The following CCDC18 variants were observed in gnomAD, a reference collection of about 807,000 sequenced individuals.
The protein encoded by CCDC18 is coiled-coil domain-containing protein 18.
CCDC18 carries 157 observed loss-of-function variants against 196.0 expected under a neutral mutation model. That is an observed-to-expected ratio of 0.80 (90% confidence interval 0.70 to 0.91). The LOEUF (loss-of-function observed/expected upper bound fraction) is 0.91. CCDC18 is among the 40% of genes least tolerant of loss of function. CCDC18 has a pLI of 0.00. For missense variants in CCDC18, 1,465 were observed against 1,611.6 expected, an observed-to-expected ratio of 0.91 and a Z score of 1.56; for synonymous variants, 482 against 529.2, an observed-to-expected ratio of 0.91 and a Z score of 1.22.
At chr1:93,248,612 C>T (rs936772411) in intron 23 of CCDC18, among the ~76,000 whole-genome samples, 4 of 152,032 alleles carry the variant, frequency 2.6e-5, no homozygotes, top group Admixed American at 2.6e-4. Flanking sequence ...GGATATTGGC[C>T]TGTTGTTTTC....
intron 28 of CCDC18, among the ~76,000 whole-genome samples, chr1:93,277,326 C>T (rs1179296950): frequency 2.7e-4 from 13 of 47,520 alleles, no homozygotes; most frequent in Admixed American, 9.2e-4. Flanking sequence ...CAGCACAGAC[C>T]CTTTACGGGT....
intron 23 of CCDC18, among the ~76,000 whole-genome samples, chr1:93,251,467 G>A (rs1662244929): frequency 6.6e-6 from 1 of 152,126 alleles, no homozygotes; most frequent in Non-Finnish European, 1.5e-5. Flanking sequence ...TTGTAGGACA[G>A]GTCTAGTAGC....
At chr1:93,242,343 G>A (rs746301159) in intron 21 of CCDC18, among the ~76,000 whole-genome samples, 2 of 144,728 alleles carry the variant, frequency 1.4e-5, no homozygotes, top group Admixed American at 6.7e-5. Context: ...GAGAGCTTGC[G>A]CAGGGAAACT....
chr1:93,234,038 A>G (rs61799497), intron 18 of CCDC18, among the ~76,000 whole-genome samples: 14,861 of 151,700 alleles, frequency 0.098, 976 homozygotes, highest in East Asian at 0.28. Flanking sequence ...CACTGCCTAC[A>G]TCCTTTGTCA....
rs763117487 is a variant in CCDC18 at position 93,180,756 on chromosome 1, T to G, written c.-99T>G. 2 of 1,366,944 alleles carry G rather than the reference T, an allele frequency of 1.5e-6. No homozygotes were observed. Among genetic ancestry groups the G allele is most frequent in the African/African-American group, 1.5e-5 (1 of 67,648 alleles). The allele number at this position is 1,366,944 out of a possible 1,614,324, so 84.7% of individuals were successfully genotyped here. Reference sequence around the variant, plus strand: ...ATTCTGTGCTGCCGGGGTTCGCTGGTTCTCCGAGTTGTGTCCGAGGCTTCC... The same window carrying G: ...ATTCTGTGCTGCCGGGGTTCGCTGGGTCTCCGAGTTGTGTCCGAGGCTTCC... On this transcript the variant is annotated 5_prime_UTR_variant, in exon 1 of 29. Coordinates refer to ENST00000690025, the MANE Select transcript of CCDC18 (RefSeq NM_001378204.1).
chr1:93,183,560 A>G (rs1396564988), intron 2 of CCDC18, 65 bp downstream of exon 2: 1 of 1,170,232 alleles, frequency 8.5e-7, no homozygotes, highest in Non-Finnish European at 1.2e-6. Flanking sequence ...AAATGTGTGG[A>G]TTTCATTATG....
intron 19 of CCDC18, among the ~76,000 whole-genome samples, chr1:93,238,248 T>G (rs1347306708): frequency 6.6e-6 from 1 of 152,206 alleles, no homozygotes; most frequent in Non-Finnish European, 1.5e-5. Context: ...TAAAAATTAT[T>G]TACTTGGGAT....
intron 7 of CCDC18, among the ~76,000 whole-genome samples, chr1:93,204,569 T>C (rs1334424819): frequency 6.6e-6 from 1 of 152,116 alleles, no homozygotes; most frequent in Non-Finnish European, 1.5e-5. Flanking sequence ...TCAAGTGTAA[T>C]ATTATCATGA....
intron 1 of CCDC18, among the ~76,000 whole-genome samples, chr1:93,181,382 G>A (rs933152852): frequency 1.4e-4 from 21 of 152,176 alleles, no homozygotes; most frequent in African/African-American, 4.8e-4. Flanking sequence ...TGATGGGTGT[G>A]CGTGTGCAAA....
chr1:93,241,622 T>C (rs1197264243), intron 21 of CCDC18, among the ~76,000 whole-genome samples: 1 of 144,572 alleles, frequency 6.9e-6, no homozygotes, highest in Admixed American at 7.3e-5. Flanking sequence ...CTCAGGAGGC[T>C]GAGGCAGGAG....
upstream of CCDC18, chr1:93,179,990 T>G: frequency 1.3e-6 from 2 of 1,513,458 alleles, no homozygotes; most frequent in Non-Finnish European, 1.8e-6. Context: ...TCTAAACGGG[T>G]GAGAGGCGAC....
intron 8 of CCDC18, among the ~76,000 whole-genome samples, chr1:93,205,899 C>A (rs1420967561): frequency 6.6e-6 from 1 of 152,038 alleles, no homozygotes; most frequent in Non-Finnish European, 1.5e-5. Flanking sequence ...ATATAATGTC[C>A]TTGATGTATA....
At chr1:93,221,323 C>A (rs181435630) in intron 14 of CCDC18, among the ~76,000 whole-genome samples, 1 of 152,212 alleles carries the variant, frequency 6.6e-6, no homozygotes, top group East Asian at 1.9e-4. Flanking sequence ...GCCATTCTGA[C>A]TGGCATGAGA....
At chr1:93,216,381 A>C (rs145752271) in intron 12 of CCDC18, among the ~76,000 whole-genome samples, 1 of 152,342 alleles carries the variant, frequency 6.6e-6, no homozygotes, top group African/African-American at 2.4e-5. Context: ...TATGTTTTAC[A>C]TAGATAGAAG....
At chr1:93,195,258 GTAT>G (rs201391191) in intron 6 of CCDC18, among the ~76,000 whole-genome samples, 1,684 of 152,248 alleles carry the variant, frequency 0.011, 21 homozygotes, top group Middle Eastern at 0.024. Flanking sequence ...GTATAAAAGG[GTAT>G]TATTGCTGAA....
intron 17 of CCDC18, among the ~76,000 whole-genome samples, chr1:93,229,329 C>T (rs1275129605): frequency 6.6e-6 from 1 of 152,210 alleles, no homozygotes; most frequent in Non-Finnish European, 1.5e-5. Flanking sequence ...AATCCAAGTA[C>T]TAACTGTTGA....
At chr1:93,201,848 A>C in intron 6 of CCDC18, 44 bp from the exon 7 acceptor site, 1 of 1,237,596 alleles carries the variant, frequency 8.1e-7, no homozygotes, top group Non-Finnish European at 1.1e-6. Flanking sequence ...CTTCAAATGC[A>C]GAGCATTCTT....
chr1:93,210,753 A>G (rs181310961), intron 9 of CCDC18, 49 bp from the exon 10 acceptor site: 18 of 1,426,026 alleles, frequency 1.3e-5, no homozygotes, highest in East Asian at 7.2e-5. Flanking sequence ...AAAAAAGCAA[A>G]TGCATCTCAT....
intron 5 of CCDC18, 51 bp from the exon 6 acceptor site, chr1:93,193,565 C>T: frequency 8.1e-7 from 1 of 1,232,062 alleles, no homozygotes; most frequent in African/African-American, 1.6e-5. Flanking sequence ...TTCTTGCATA[C>T]CTGGGATAAT....
Sources: allele counts gnomAD v4.1 joint callset (sites outside exome capture counted in the v4.1 genomes callset), GRCh38; gene constraint gnomAD v4.1.1; transcripts MANE v1.5; gene names NCBI Gene and HGNC (gene_info 2026-07-23, HGNC 2026-07-21).